The following QTMAN variants were observed in gnomAD, a reference collection of about 807,000 sequenced individuals.
QTMAN encodes the protein tRNA-queuosine alpha-mannosyltransferase.
chr2:144,040,387 C>T, the QTMAN span, among the ~76,000 whole-genome samples: 1 of 151,976 alleles, frequency 6.6e-6, no homozygotes, highest in African/African-American at 2.4e-5. Context: ...TAATTTATTT[C>T]ACCAGATCTA....
the QTMAN span, among the ~76,000 whole-genome samples, chr2:144,203,620 A>G: frequency 6.6e-6 from 1 of 152,192 alleles, no homozygotes; most frequent in African/African-American, 2.4e-5. Flanking sequence ...GATTAAGAGA[A>G]CATCACAGAT....
At chr2:144,145,747 A>G in the QTMAN span, 2 of 1,604,660 alleles carry the variant, frequency 1.2e-6, no homozygotes. Context: ...GTCCTAGGAA[A>G]CAAGAAAATT....
At chr2:144,038,768 C>A in the QTMAN span, among the ~76,000 whole-genome samples, 1 of 151,966 alleles carries the variant, frequency 6.6e-6, no homozygotes, top group East Asian at 1.9e-4. Context: ...GGATCCTACC[C>A]CTCAATAGAG....
At chr2:144,248,111 GAC>G in the QTMAN span, among the ~76,000 whole-genome samples, 1 of 152,174 alleles carries the variant, frequency 6.6e-6, no homozygotes, top group Non-Finnish European at 1.5e-5. Flanking sequence ...AGATGTTTCT[GAC>G]AGTGTTTTAC....
the QTMAN span, among the ~76,000 whole-genome samples, chr2:144,148,909 T>C: frequency 6.6e-6 from 1 of 151,938 alleles, no homozygotes; most frequent in Non-Finnish European, 1.5e-5. Context: ...CTCACTAGTT[T>C]TAAATAGTGG....
the QTMAN span, among the ~76,000 whole-genome samples, chr2:144,197,032 A>G: frequency 2.0e-5 from 3 of 152,160 alleles, no homozygotes; most frequent in Non-Finnish European, 2.9e-5. Flanking sequence ...AGCATCACAG[A>G]GTGTACTTAC....
chr2:144,320,794 C>T, the QTMAN span, among the ~76,000 whole-genome samples: 1 of 152,126 alleles, frequency 6.6e-6, no homozygotes, highest in African/African-American at 2.4e-5. Flanking sequence ...TAACAGCCAT[C>T]CTGCATGGTG....
the QTMAN span, chr2:143,951,854 A>G: frequency 1.7e-6 from 1 of 587,546 alleles, no homozygotes; most frequent in East Asian, 2.9e-5. Flanking sequence ...TGTTAGTGTA[A>G]CAACTAATAT....
chr2:144,248,813 G>A, the QTMAN span, among the ~76,000 whole-genome samples: 1 of 150,866 alleles, frequency 6.6e-6, no homozygotes, highest in Non-Finnish European at 1.5e-5. Flanking sequence ...TAAAATATAA[G>A]ATCTCAGGTT....
At chr2:144,317,384 T>TGGAAGGATGGAAGGAAGGAA in the QTMAN span, 3 of 97,356 alleles carry the variant, frequency 3.1e-5, no homozygotes, top group Non-Finnish European at 4.2e-5. Context: ...GAAGGAAGGA[T>TGGAAGGATGGAAGGAAGGAA]GGAAGGAAGG....
the QTMAN span, among the ~76,000 whole-genome samples, chr2:144,289,855 GA>G: frequency 6.6e-5 from 10 of 151,916 alleles, no homozygotes; most frequent in South Asian, 8.3e-4. Flanking sequence ...AAAAGAATGG[GA>G]AAAAAAATTG....
chr2:144,062,647 A>C, the QTMAN span, among the ~76,000 whole-genome samples: 1 of 152,232 alleles, frequency 6.6e-6, no homozygotes, highest in South Asian at 2.1e-4. Context: ...ACCGAAATAT[A>C]AACTACTATG....
At chr2:143,999,155 T>C in the QTMAN span, among the ~76,000 whole-genome samples, 4 of 152,010 alleles carry the variant, frequency 2.6e-5, no homozygotes, top group East Asian at 3.9e-4. Flanking sequence ...AATGCCACCA[T>C]TGAAAACATG....
At chr2:144,243,549 C>T in the QTMAN span, among the ~76,000 whole-genome samples, 1 of 152,156 alleles carries the variant, frequency 6.6e-6, no homozygotes, top group Non-Finnish European at 1.5e-5. Flanking sequence ...ATAACCTACA[C>T]AAATATAATC....
chr2:144,296,558 A>C, the QTMAN span, among the ~76,000 whole-genome samples: 2 of 152,260 alleles, frequency 1.3e-5, no homozygotes, highest in Admixed American at 1.3e-4. Flanking sequence ...ACTTACAGCT[A>C]ATACACAAAG....
At chr2:143,948,582 C>T in the QTMAN span, among the ~76,000 whole-genome samples, 1 of 152,060 alleles carries the variant, frequency 6.6e-6, no homozygotes, top group Admixed American at 6.6e-5. Context: ...CATTTCTATA[C>T]TGGTAATGAG....
the QTMAN span, chr2:144,007,194 C>T: frequency 3.2e-6 from 5 of 1,586,400 alleles, no homozygotes; most frequent in African/African-American, 5.4e-5. Context: ...CCTGTGAGGC[C>T]AGACAATGTG....
At chr2:144,088,544 G>A in the QTMAN span, among the ~76,000 whole-genome samples, 1 of 152,002 alleles carries the variant, frequency 6.6e-6, no homozygotes, top group Non-Finnish European at 1.5e-5. Flanking sequence ...TAAAGCTGGT[G>A]GCATCACACT....
At chr2:144,201,356 G>A in the QTMAN span, among the ~76,000 whole-genome samples, 6 of 152,260 alleles carry the variant, frequency 3.9e-5, no homozygotes, top group South Asian at 1.2e-3. Flanking sequence ...GTTTCAAAGT[G>A]AGTAAACAAG....
Sources: gnomAD v4.1 joint callset for allele counts (sites outside exome capture counted in the v4.1 genomes callset) on GRCh38, gnomAD v4.1.1 for gene constraint, MANE v1.5 for transcripts, NCBI Gene and HGNC (gene_info 2026-07-23, HGNC 2026-07-21) for gene names.